The following SLC15A5 variants were observed in gnomAD, a reference collection of about 807,000 sequenced individuals.
SLC15A5 encodes the protein solute carrier family 15 member 5.
A neutral mutation model predicts 56.1 loss-of-function variants in SLC15A5; 58 were observed. That is an observed-to-expected ratio of 1.03 (90% CI 0.84 to 1.29). The LOEUF (loss-of-function observed/expected upper bound fraction) is 1.29. Ranked by LOEUF, SLC15A5 falls within the 50% of genes most tolerant of loss-of-function variation. The pLI, the probability that SLC15A5 is intolerant of heterozygous loss-of-function variation, is 0.00. For missense variants in SLC15A5, 681 were observed against 672.1 expected (o/e 1.01, Z -0.15); for synonymous variants, 264 against 250.5 (o/e 1.05, Z -0.51).
At chr12:16,215,374 A>G (rs1254733856) in intron 7 of SLC15A5, among the ~76,000 whole-genome samples, 1 of 152,196 alleles carries the variant, frequency 6.6e-6, no homozygotes, top group Non-Finnish European at 1.5e-5. Context: ...TTCTTCATGT[A>G]TATGTCAAAT....
intron 7 of SLC15A5, among the ~76,000 whole-genome samples, chr12:16,213,156 A>G (rs1864099176): frequency 6.6e-6 from 1 of 152,116 alleles, no homozygotes; most frequent in Non-Finnish European, 1.5e-5. Flanking sequence ...TGTTTGTTTA[A>G]TGGATGGAGG....
intron 5 of SLC15A5, among the ~76,000 whole-genome samples, chr12:16,227,879 T>C (rs1864258018): frequency 6.6e-6 from 1 of 152,194 alleles, no homozygotes; most frequent in African/African-American, 2.4e-5. Context: ...AAAAATAATC[T>C]GGTAACGTAT....
chr12:16,245,335 T>C (rs1864451661), intron 3 of SLC15A5, among the ~76,000 whole-genome samples: 1 of 152,230 alleles, frequency 6.6e-6, no homozygotes, highest in African/African-American at 2.4e-5. Context: ...ATGAACTCTC[T>C]AAATGATTTT....
At chr12:16,211,640 C>G (rs1864082311) in intron 7 of SLC15A5, among the ~76,000 whole-genome samples, 1 of 152,082 alleles carries the variant, frequency 6.6e-6, no homozygotes, top group Non-Finnish European at 1.5e-5. Context: ...GGAAATTGAT[C>G]TTGTTGCTAA....
intron 5 of SLC15A5, among the ~76,000 whole-genome samples, chr12:16,234,514 T>G (rs1339896310): frequency 6.6e-6 from 1 of 152,178 alleles, no homozygotes; most frequent in African/African-American, 2.4e-5. Context: ...TTAACTTGTA[T>G]GAGATAATAA....
chr12:16,230,327 A>G (rs1046339131), intron 5 of SLC15A5, among the ~76,000 whole-genome samples: 1 of 152,142 alleles, frequency 6.6e-6, no homozygotes, highest in African/African-American at 2.4e-5. Flanking sequence ...TCAACAACCC[A>G]CTGTTGATGA....
intron 2 of SLC15A5, among the ~76,000 whole-genome samples, chr12:16,260,103 A>G (rs1486177831): frequency 6.6e-6 from 1 of 152,188 alleles, no homozygotes; most frequent in Non-Finnish European, 1.5e-5. Context: ...AGTGTTTTTA[A>G]TAGTGTTTGG....
At chr12:16,233,555 G>A (rs1316132899) in intron 5 of SLC15A5, among the ~76,000 whole-genome samples, 1 of 152,198 alleles carries the variant, frequency 6.6e-6, no homozygotes, top group East Asian at 1.9e-4. Flanking sequence ...CCCATGAGCT[G>A]TAGTGATTGG....
intron 7 of SLC15A5, among the ~76,000 whole-genome samples, chr12:16,207,297 A>G (rs1208420957): frequency 6.6e-6 from 1 of 152,218 alleles, no homozygotes; most frequent in African/African-American, 2.4e-5. Context: ...CATGGATATA[A>G]CAACACTGAT....
intron 6 of SLC15A5, among the ~76,000 whole-genome samples, chr12:16,218,876 C>T (rs1864157988): frequency 6.6e-6 from 1 of 152,108 alleles, no homozygotes; most frequent in Non-Finnish European, 1.5e-5. Context: ...GTTTTTAATA[C>T]TTTGCTGCAG....
intron 3 of SLC15A5, among the ~76,000 whole-genome samples, chr12:16,254,883 A>G (rs1425281328): frequency 1.3e-5 from 2 of 152,158 alleles, no homozygotes; most frequent in Non-Finnish European, 2.9e-5. Context: ...AAGTGACACA[A>G]AATTATAGCT....
intron 8 of SLC15A5, 88 bp downstream of exon 8, chr12:16,194,257 G>A: frequency 1.4e-6 from 1 of 734,698 alleles, no homozygotes; most frequent in South Asian, 2.1e-5. Context: ...TCCAGTCATG[G>A]TGTACAGAAT....
intron 8 of SLC15A5, among the ~76,000 whole-genome samples, chr12:16,192,450 C>T (rs934725440): frequency 3.3e-5 from 5 of 152,030 alleles, no homozygotes; most frequent in African/African-American, 1.2e-4. Flanking sequence ...TTTATTCTTA[C>T]CTCCTCCTCT....
chr12:16,277,504 A>G lies in SLC15A5; in HGVS notation c.182T>C (p.Val61Ala). 3.9e-6 allele frequency: 6 copies of G among 1,536,578 alleles called. No individual in the cohort carries two copies. Among genetic ancestry groups the G allele is most frequent in the Non-Finnish European group, 4.4e-6 (5 of 1,146,438 alleles). Residue 61 changes from valine to alanine, a missense_variant, in exon 1 of 9, where the codon GTC becomes GCC. Transcript: ENST00000344941. Reference sequence around the variant, plus strand: ...AGTGCAAAAGGGGATCATGTTGCAGACGACTTCAAAGAACGTGAACCTCTC... The same window carrying G: ...AGTGCAAAAGGGGATCATGTTGCAGGCGACTTCAAAGAACGTGAACCTCTC... Reference protein sequence around the residue: ...LCERFTFFEVVCNMIPFCTIK... With the variant: ...LCERFTFFEVACNMIPFCTIK...
chr12:16,275,704 T>C (rs999824715), intron 1 of SLC15A5, among the ~76,000 whole-genome samples: 2 of 152,014 alleles, frequency 1.3e-5, no homozygotes, highest in Non-Finnish European at 2.9e-5. Flanking sequence ...AATGAATGGA[T>C]GTAGAGTTGA....
chr12:16,236,099 T>C (rs191172681), intron 5 of SLC15A5, among the ~76,000 whole-genome samples: 2 of 152,168 alleles, frequency 1.3e-5, no homozygotes, highest in African/African-American at 4.8e-5. Flanking sequence ...GTGTAAGCCT[T>C]AATAACAATC....
chr12:16,196,883 G>A lies in SLC15A5; in HGVS notation c.1484-2430C>T, dbSNP rs1355921192. Among the ~76,000 whole-genome samples the A allele has an allele frequency of 6.6e-6, 1 of 151,886 alleles. No homozygotes were observed. The highest frequency in any genetic ancestry group is 2.4e-5 in the African/African-American group (1 of 41,352). On this transcript the variant is annotated intron_variant, in intron 7 of 8. Transcript: ENST00000344941. This position sits in a 1 kb window ranked among gnomAD's most constrained non-coding sequence, Gnocchi z 4.0. ...ATTATGGCAAATACCAGCCTTTTGG[G>A]AGATACTACTAGATCCCCCTGGGCA... is the stretch of plus-strand genomic sequence containing the variant.
At position 16,225,254 on chromosome 12, in the gene SLC15A5, G is replaced by A. The variant is rs971192309; in HGVS notation, c.1163-652C>T. ...TTGGGTATATACCCAGTAATGGGAT[G>A]GTTGGGTCAAATGGTATTTCTAGTT... On this transcript the variant is annotated intron_variant, in intron 5 of 8. Coordinates refer to ENST00000344941, the MANE Select transcript of SLC15A5 (RefSeq NM_001170798.1). 5.9e-5 allele frequency among the ~76,000 whole-genome samples: 9 copies of A among 152,266 alleles called. No homozygotes were observed. In the East Asian group the frequency reaches 1.2e-3, roughly 20 times the overall value.
rs1864791186 is a variant in SLC15A5 at position 16,274,121 on chromosome 12, C to A, written c.362-1338G>T. Among the ~76,000 whole-genome samples, 8 of 151,576 alleles carry A rather than the reference C, an allele frequency of 5.3e-5. 1 individual carries two copies. In the South Asian group the frequency reaches 1.7e-3, roughly 31 times the overall value. ...TCTAATCATAATGTGTTTTAAAATA[C>A]CTTTTCAGTTATTTTTAAATGAATA... On this transcript the variant is annotated intron_variant, in intron 1 of 8. Transcript: ENST00000344941.
Sources: gnomAD v4.1 joint callset for allele counts (sites outside exome capture counted in the v4.1 genomes callset) on GRCh38, gnomAD v4.1.1 for gene constraint, Gnocchi (gnomAD v3.1) non-coding constraint, MANE v1.5 for transcripts, NCBI Gene and HGNC (gene_info 2026-07-23, HGNC 2026-07-21) for gene names.